Variants in UROS observed in about 807,000 individuals in gnomAD.
UROS encodes uroporphyrinogen-III synthase.
In UROS, 18 loss-of-function variants were observed where a neutral mutation model predicts 33.0. That is an observed-to-expected ratio of 0.55 (90% CI 0.38 to 0.81). The LOEUF (loss-of-function observed/expected upper bound fraction) is 0.81. UROS is among the 30% of genes least tolerant of loss of function. The pLI, the probability that UROS is intolerant of heterozygous loss-of-function variation, is 0.00. For synonymous variants in UROS, 114 were observed against 121.1 expected (o/e 0.94, Z 0.38); for missense variants, 293 against 314.9 (o/e 0.93, Z 0.53).
chr10:125,802,689 T>A (rs1260545960), intron 6 of UROS: 2 of 1,312,286 alleles, frequency 1.5e-6, no homozygotes, highest in African/African-American at 3.0e-5. Flanking sequence ...TGTCTCACAG[T>A]GCTGGCTCAT....
intron 1 of UROS, among the ~76,000 whole-genome samples, chr10:125,816,913 G>A (rs777174030): frequency 6.6e-6 from 1 of 152,226 alleles, no homozygotes; most frequent in Non-Finnish European, 1.5e-5. Context: ...AATATGCTAA[G>A]TAGCTCATAA....
chr10:125,822,724 C>T (rs1048911737), intron 1 of UROS, among the ~76,000 whole-genome samples: 1 of 152,240 alleles, frequency 6.6e-6, no homozygotes, highest in Non-Finnish European at 1.5e-5. Context: ...TCCCTAAGTG[C>T]TGGGATTACA....
chr10:125,790,155 T>C (rs1850814697), intron 9 of UROS, among the ~76,000 whole-genome samples: 1 of 152,168 alleles, frequency 6.6e-6, no homozygotes, highest in Non-Finnish European at 1.5e-5. Context: ...GCCACTGTCC[T>C]GCAGAGGCCC....
chr10:125,788,135 T>C (rs573979494), downstream of UROS, among the ~76,000 whole-genome samples: 18 of 152,320 alleles, frequency 1.2e-4, no homozygotes, highest in South Asian at 3.5e-3. Flanking sequence ...CCAGCCCACA[T>C]GCTACTAAGA....
chr10:125,801,352 A>C (rs1851826434), intron 6 of UROS, among the ~76,000 whole-genome samples: 1 of 152,238 alleles, frequency 6.6e-6, no homozygotes, highest in Non-Finnish European at 1.5e-5. Context: ...ATTAGAGGAG[A>C]TATCTGGGAA....
intron 1 of UROS, among the ~76,000 whole-genome samples, chr10:125,821,879 T>C (rs1339658046): frequency 6.6e-6 from 1 of 152,188 alleles, no homozygotes; most frequent in Non-Finnish European, 1.5e-5. Flanking sequence ...AGTATTACTT[T>C]AATATCCATG....
At chr10:125,800,424 G>A (rs990232785) in intron 6 of UROS, among the ~76,000 whole-genome samples, 3 of 152,208 alleles carry the variant, frequency 2.0e-5, no homozygotes, top group Non-Finnish European at 2.9e-5. Context: ...GGAACGGGGC[G>A]GAGTCACTAG....
At chr10:125,792,067 C>A (rs921876888) in intron 9 of UROS, 1 of 150,968 alleles carries the variant, frequency 6.6e-6, no homozygotes, top group African/African-American at 2.4e-5. Flanking sequence ...GACCCCATCT[C>A]TAAAAAAATA....
In UROS at chr10:125,817,037, C is replaced by T. The variant is rs139801025; in HGVS notation, c.-26-512G>A. 2.0e-5 allele frequency among the ~76,000 whole-genome samples: 3 copies of T among 152,128 alleles called. 1 individual carries two copies. Among genetic ancestry groups the T allele is most frequent in the South Asian group, 4.2e-4 (2 of 4,810 alleles). On this transcript the variant is annotated intron_variant, in intron 1 of 9. Coordinates refer to ENST00000368797, the MANE Select transcript of UROS (RefSeq NM_000375.3). ...GAAAACGATTTGTTGACATCAAAAGCTTTATATACTTCATCTTCTTTCTTC... is the reference window on the plus strand; with the variant it reads ...GAAAACGATTTGTTGACATCAAAAGTTTTATATACTTCATCTTCTTTCTTC...
chr10:125,819,078 G>A (rs10901448), intron 1 of UROS, among the ~76,000 whole-genome samples: 61,870 of 151,798 alleles, frequency 0.41, 12,987 homozygotes, highest in Non-Finnish European at 0.47. Flanking sequence ...TCCGCCTCCC[G>A]GGTTCAAGCG....
rs755209030 is a variant in UROS at position 125,798,019 on chromosome 10, G to A, written c.475+46C>T. ...ACTTCTATCACTGCAAAGGCTCCTG[G>A]TGGATCCCAAAGTGGTAAGGGATGC... On this transcript the variant is annotated intron_variant, in intron 7 of 9. Coordinates refer to ENST00000368797, the MANE Select transcript of UROS (RefSeq NM_000375.3). 3.1e-6 allele frequency: 5 copies of A among 1,605,592 alleles called. No homozygotes were observed. In the Admixed American group the frequency reaches 6.7e-5, roughly 21 times the overall value.
chr10:125,789,313 C>A, intron 9 of UROS: 5 of 1,319,794 alleles, frequency 3.8e-6, no homozygotes, highest in Non-Finnish European at 4.9e-6. Flanking sequence ...AGTCCTTCCT[C>A]AGAGGCTCTA....
At chr10:125,804,744 C>T (rs1317350435) in intron 6 of UROS, among the ~76,000 whole-genome samples, 1 of 152,232 alleles carries the variant, frequency 6.6e-6, no homozygotes, top group Admixed American at 6.5e-5. Context: ...GAGTGTTTTA[C>T]AGGTAGAAAC....
rs1344024355 is a variant in UROS, at chr10:125,807,397, A to G, written c.394+16T>C. The G allele has an allele frequency of 6.2e-7, 1 of 1,610,868 alleles. No homozygotes were observed. The highest frequency in any genetic ancestry group is 1.1e-5 in the South Asian group (1 of 91,020). ...AAAATAAATGGCTTCATTTGGAGTG[A>G]TGTTTTTCTACTTACTGGAACAAAT... On this transcript the variant is annotated intron_variant, in intron 6 of 9. Coordinates refer to ENST00000368797, the MANE Select transcript of UROS (RefSeq NM_000375.3).
rs10510149 is a variant in UROS, at chr10:125,807,238, A to C, written c.394+175T>G. 277,935 of 644,030 alleles carry C rather than the reference A, an allele frequency of 0.43. 61,360 individuals carry two copies. The highest frequency in any genetic ancestry group is 0.47 in the Non-Finnish European group (170,084 of 364,426). The allele number at this position is 644,030 out of a possible 1,614,324, so 39.9% of individuals were successfully genotyped here. A position where few individuals can be genotyped will look rare whatever the true frequency, so the allele number is the denominator to read the frequency against. On this transcript the variant is annotated intron_variant, in intron 6 of 9. Coordinates refer to ENST00000368797, the MANE Select transcript of UROS (RefSeq NM_000375.3). ...AGAAGGAAGTGGGCTAAACCTCACA[A>C]AGTATAGACATACACAAATACAAAT...
At chr10:125,800,834 T>C (rs1851789283) in intron 6 of UROS, among the ~76,000 whole-genome samples, 2 of 152,200 alleles carry the variant, frequency 1.3e-5, no homozygotes, top group South Asian at 4.1e-4. Flanking sequence ...CCTCCCAAAG[T>C]GCTGGGATTA....
intron 6 of UROS, chr10:125,802,892 C>G (rs1450225815): frequency 6.3e-7 from 1 of 1,586,782 alleles, no homozygotes; most frequent in Non-Finnish European, 8.6e-7. Flanking sequence ...TGGCCTCACC[C>G]TCAGGGGCTT....
chr10:125,788,146 G>A (rs923352264), downstream of UROS, among the ~76,000 whole-genome samples: 5 of 152,204 alleles, frequency 3.3e-5, no homozygotes, highest in African/African-American at 7.2e-5. Context: ...GCTACTAAGA[G>A]ACAAGTCTGG....
At chr10:125,805,834 G>A (rs1041220773) in intron 6 of UROS, among the ~76,000 whole-genome samples, 4 of 152,054 alleles carry the variant, frequency 2.6e-5, no homozygotes, top group Admixed American at 6.6e-5. Context: ...AGTCTTCAAC[G>A]TTAACACCGA....
Sources: allele counts gnomAD v4.1 joint callset (sites outside exome capture counted in the v4.1 genomes callset), GRCh38; gene constraint gnomAD v4.1.1; transcripts MANE v1.5; gene names NCBI Gene and HGNC (gene_info 2026-07-23, HGNC 2026-07-21).